PDXDC1: variants seen among roughly 807,000 people sequenced by gnomAD.
PDXDC1 encodes pyridoxal-dependent decarboxylase domain-containing protein 1.
In PDXDC1, 42 loss-of-function variants were observed where a neutral mutation model predicts 100.1. The ratio of observed to expected loss-of-function variants is 0.42; its 90% CI spans 0.33 to 0.54. The LOEUF is 0.54. PDXDC1 is among the 20% of genes least tolerant of loss of function. The probability of loss-of-function intolerance (pLI) is 0.10; values close to 1 mark genes in which losing one functional copy is unlikely to be tolerated. For missense variants in PDXDC1, 636 were observed against 979.2 expected, an observed-to-expected ratio of 0.65 and a Z score of 4.68; for synonymous variants, 260 against 371.7, an observed-to-expected ratio of 0.70 and a Z score of 3.46.
chr16:15,079,834 T>G (rs1463700571), intron 16 of PDXDC1, among the ~76,000 whole-genome samples: 5 of 152,190 alleles, frequency 3.3e-5, no homozygotes, highest in African/African-American at 1.2e-4. Flanking sequence ...TGACCTCAGG[T>G]GATCTGCCTG....
chr16:15,035,307 A>G, intron 21 of PDXDC1, 142 bp from the exon 22 acceptor site: 1 of 509,392 alleles, frequency 2.0e-6, no homozygotes, highest in South Asian at 3.2e-5. Context: ...GCACATTCAT[A>G]AGTGCCCTTC....
chr16:15,104,457 G>A (rs1464880818), intron 16 of PDXDC1: 8 of 828,744 alleles, frequency 9.7e-6, no homozygotes, highest in South Asian at 8.1e-5. Flanking sequence ...GGTGGAAGGG[G>A]AGTGAGCAGA....
chr16:15,013,930 G>A (rs1231916138), intron 8 of PDXDC1, among the ~76,000 whole-genome samples: 19 of 152,128 alleles, frequency 1.2e-4, no homozygotes, highest in Non-Finnish European at 2.5e-4. Context: ...ATTTAGGCCG[G>A]GTGCGGTGGC....
At chr16:15,139,489 A>C (rs1367313809), downstream of PDXDC1, 9 of 130,330 alleles carry the variant, frequency 6.9e-5, no homozygotes, top group East Asian at 1.8e-3. Context: ...ATAAAGAAAA[A>C]GTCAACTATT....
chr16:15,086,015 G>C, intron 16 of PDXDC1: 1 of 728,196 alleles, frequency 1.4e-6, no homozygotes, highest in Non-Finnish European at 2.3e-6. Context: ...ACCAGACCTG[G>C]TGCCAATATG....
the PDXDC1 span, among the ~76,000 whole-genome samples, chr16:15,148,246 C>T: frequency 2.0e-5 from 3 of 151,852 alleles, no homozygotes; most frequent in Admixed American, 6.6e-5. Flanking sequence ...CGTGAGGCAC[C>T]GCGCCCGGCT....
chr16:15,048,926 T>G (rs1338106171), intron 16 of PDXDC1, among the ~76,000 whole-genome samples: 28 of 120,974 alleles, frequency 2.3e-4, no homozygotes, highest in Non-Finnish European at 3.1e-4. Context: ...ACCTGGCTGA[T>G]TTTTATACTT....
intron 1 of PDXDC1, among the ~76,000 whole-genome samples, chr16:14,978,729 GA>G (rs1567600196): frequency 6.6e-6 from 1 of 152,268 alleles, no homozygotes; most frequent in Non-Finnish European, 1.5e-5. Context: ...GAATAGCCCA[GA>G]CCTTTTTCTG....
chr16:15,047,236 C>G (rs2044110610), intron 16 of PDXDC1: 1 of 557,346 alleles, frequency 1.8e-6, no homozygotes, highest in African/African-American at 1.9e-5. Context: ...AAATCCAGCA[C>G]AGACTCCTTG....
intron 16 of PDXDC1, among the ~76,000 whole-genome samples, chr16:15,065,676 A>C (rs2044939573): frequency 6.6e-6 from 1 of 152,216 alleles, no homozygotes; most frequent in Non-Finnish European, 1.5e-5. Flanking sequence ...GATACTATTC[A>C]TTAAAAATAA....
chr16:15,106,409 G>C lies in PDXDC1; in HGVS notation c.1400-32470G>C. On this transcript the variant is annotated intron_variant, in intron 16 of 16. Coordinates refer to the PDXDC1 transcript ENST00000535621. ...CCATGTTTCTGTTATCCTCACAACT[G>C]TACCCTTACACAATCTATCTCTACC... 1.4e-5 allele frequency: 8 copies of C among 590,364 alleles called. 1 individual carries two copies. In the South Asian group the frequency reaches 1.6e-4, roughly 12 times the overall value. 36.6% of individuals were successfully genotyped at this position (590,364 alleles called of 1,614,324 possible).
intron 16 of PDXDC1, among the ~76,000 whole-genome samples, chr16:15,093,676 C>T (rs552807308): frequency 4.6e-5 from 7 of 152,240 alleles, no homozygotes; most frequent in African/African-American, 1.2e-4. Flanking sequence ...AAGAGTGCTA[C>T]GGGGGTTAGG....
chr16:15,001,430 A>G (rs1264498741), intron 3 of PDXDC1, among the ~76,000 whole-genome samples: 4 of 152,296 alleles, frequency 2.6e-5, no homozygotes, highest in African/African-American at 9.6e-5. Flanking sequence ...CAGAGGTTGC[A>G]GTGAGCCCAG....
chr16:15,150,154 C>T, the PDXDC1 span, among the ~76,000 whole-genome samples: 2 of 151,886 alleles, frequency 1.3e-5, no homozygotes, highest in East Asian at 3.9e-4. Context: ...ACCATCCTGG[C>T]TAACACGGTG....
chr16:15,045,737 T>C (rs34955778), intron 16 of PDXDC1: 59,508 of 152,180 alleles, frequency 0.39, 12,372 homozygotes, highest in Admixed American at 0.51. Flanking sequence ...CTAACTTTCT[T>C]GAACCCAGTG....
intron 16 of PDXDC1, chr16:15,128,144 G>A (rs1369273188): frequency 1.2e-5 from 19 of 1,609,446 alleles, no homozygotes; most frequent in Non-Finnish European, 1.6e-5. Context: ...CCCTGCAGAG[G>A]CGCGGGAGGG....
intron 16 of PDXDC1, among the ~76,000 whole-genome samples, chr16:15,067,020 CTT>C (rs1245053838): frequency 6.7e-6 from 1 of 148,984 alleles, no homozygotes; most frequent in East Asian, 2.0e-4. Flanking sequence ...CATCCTCACT[CTT>C]TGAGCTGCTC....
chr16:15,094,422 T>G (rs1350913436), intron 16 of PDXDC1: 1 of 619,464 alleles, frequency 1.6e-6, no homozygotes, highest in Non-Finnish European at 2.8e-6. Flanking sequence ...CTTGGAGGAC[T>G]TGTTCCAGCC....
At chr16:15,059,782 G>A (rs1415431375) in intron 16 of PDXDC1, among the ~76,000 whole-genome samples, 1 of 152,136 alleles carries the variant, frequency 6.6e-6, no homozygotes, top group Non-Finnish European at 1.5e-5. Flanking sequence ...TGAAAGAAGT[G>A]TCTGCTTCCC....
Sources: allele counts gnomAD v4.1 joint callset (sites outside exome capture counted in the v4.1 genomes callset), GRCh38; gene constraint gnomAD v4.1.1; transcripts MANE v1.5; gene names NCBI Gene and HGNC (gene_info 2026-07-23, HGNC 2026-07-21).